Variants in TNS4 observed in about 807,000 individuals in gnomAD.
TNS4 encodes tensin-4.
Under a neutral mutation model 70.4 loss-of-function variants are expected in TNS4, and 46 were observed. The observed-to-expected ratio is 0.65, with a 90% CI of 0.52 to 0.84. The LOEUF is 0.84. Among genes scored for constraint, TNS4 ranks in the 40% least tolerant of loss-of-function variants. The pLI, the probability that TNS4 is intolerant of heterozygous loss-of-function variation, is 0.00. For synonymous variants in TNS4, 390 were observed against 366.6 expected (o/e 1.06, Z -0.73); for missense variants, 863 against 907.0 (o/e 0.95, Z 0.62).
chr17:40,479,541 G>T, intron 10 of TNS4, 133 bp downstream of exon 10: 2 of 1,113,430 alleles, frequency 1.8e-6, no homozygotes, highest in Non-Finnish European at 2.5e-6. Flanking sequence ...GAGTCACTCA[G>T]CACATCACTG....
rs1336001268 is a variant in TNS4, at chr17:40,484,949, C to T, written c.1347G>A (p.Trp449Ter). The change falls in exon 5 of 13, where the codon TGG becomes TGA. Residue 449 changes from tryptophan (W) to a stop codon, truncating the protein, a stop_gained. Transcript: ENST00000254051. LOFTEE classifies it high-confidence loss of function. ...MKFVMDTSKY[W>*]FKPNITREQA... ...GCTCTCGGGTGATGTTTGGCTTAAA[C>T]CAGTATTTAGATGTGTCCATCACGA... 1 of 1,614,208 alleles carries T rather than the reference C, an allele frequency of 6.2e-7. No individual in the cohort carries two copies. Among genetic ancestry groups the T allele is most frequent in the East Asian group, 2.2e-5 (1 of 44,882 alleles).
intron 3 of TNS4, 46 bp downstream of exon 3, chr17:40,488,500 G>C: frequency 6.9e-7 from 1 of 1,454,374 alleles, no homozygotes; most frequent in Non-Finnish European, 9.1e-7. Context: ...GCATGCGTGC[G>C]TGTGCCTGTG....
intron 2 of TNS4, among the ~76,000 whole-genome samples, chr17:40,494,927 G>A (rs1048868167): frequency 6.6e-6 from 1 of 151,942 alleles, no homozygotes; most frequent in African/African-American, 2.4e-5. Context: ...CTTCCAACCT[G>A]TCTGATGGCT....
chr17:40,494,530 G>A (rs1042308659), intron 2 of TNS4, among the ~76,000 whole-genome samples: 3 of 152,128 alleles, frequency 2.0e-5, no homozygotes, highest in South Asian at 2.1e-4. Flanking sequence ...TCAGGAGTTC[G>A]AGACCAGCCT....
chr17:40,479,127 TA>T (rs1162085555), intron 10 of TNS4, among the ~76,000 whole-genome samples: 1 of 152,080 alleles, frequency 6.6e-6, no homozygotes, highest in Non-Finnish European at 1.5e-5. Flanking sequence ...CCATGAATAC[TA>T]GTTAACTCCA....
chr17:40,478,910 T>G (rs996561283), intron 10 of TNS4, among the ~76,000 whole-genome samples: 1 of 152,224 alleles, frequency 6.6e-6, no homozygotes, highest in African/African-American at 2.4e-5. Flanking sequence ...TTAATTTTTT[T>G]TGGCCACTAA....
chr17:40,478,545 A>G (rs775954055), intron 11 of TNS4, 35 bp downstream of exon 11: 1 of 1,612,920 alleles, frequency 6.2e-7, no homozygotes, highest in Non-Finnish European at 8.5e-7. Flanking sequence ...GGGGCCCTGG[A>G]CAGCCTTCTT....
chr17:40,480,405 T>G (rs2035906378), intron 9 of TNS4, among the ~76,000 whole-genome samples: 1 of 152,002 alleles, frequency 6.6e-6, no homozygotes, highest in Non-Finnish European at 1.5e-5. Flanking sequence ...TTCTCAGACC[T>G]AGAGAGACCC....
Position 40,496,042 on chromosome 17 carries a change from A to G in TNS4, c.384T>C (p.Ala128=). The part of the protein sequence containing the change: ...LLPPGTGGSQ[A]ELAQSTMSMR... ...TTGACATGGTGCTCTGGGCCAGCTCAGCCTGGGAGCCCCCAGTCCCTGGGG... is the reference window on the plus strand; with the variant it reads ...TTGACATGGTGCTCTGGGCCAGCTCGGCCTGGGAGCCCCCAGTCCCTGGGG... The change falls in exon 2 of 13, where the codon GCT becomes GCC. Residue 128 remains alanine, a synonymous_variant. Coordinates refer to ENST00000254051, the MANE Select transcript of TNS4 (RefSeq NM_032865.6). 3.7e-6 allele frequency: 6 copies of G among 1,613,566 alleles called. No homozygotes were observed. Among genetic ancestry groups the G allele is most frequent in the Non-Finnish European group, 5.1e-6 (6 of 1,179,838 alleles).
At chr17:40,481,516 C>A (rs996129507) in intron 8 of TNS4, among the ~76,000 whole-genome samples, 2 of 152,198 alleles carry the variant, frequency 1.3e-5, no homozygotes, top group Non-Finnish European at 2.9e-5. Context: ...AGGCGCCCAC[C>A]ACCACGCCCA....
At chr17:40,497,793 T>G (rs1457321533) in intron 1 of TNS4, among the ~76,000 whole-genome samples, 2 of 152,254 alleles carry the variant, frequency 1.3e-5, no homozygotes, top group East Asian at 3.9e-4. Flanking sequence ...GGCTCAGGAC[T>G]GCCAGCTCAA....
chr17:40,494,294 T>G (rs1443741076), intron 2 of TNS4, among the ~76,000 whole-genome samples: 1 of 152,270 alleles, frequency 6.6e-6, no homozygotes, highest in East Asian at 1.9e-4. Flanking sequence ...AGAACTCTCA[T>G]TATCTCCATT....
intron 2 of TNS4, among the ~76,000 whole-genome samples, chr17:40,492,767 T>C (rs8076330): frequency 0.026 from 4,018 of 151,970 alleles, 189 homozygotes; most frequent in African/African-American, 0.093. Context: ...CAGGGCATGG[T>C]GGCTCATACC....
chr17:40,480,615 C>G, intron 9 of TNS4, 85 bp downstream of exon 9: 1 of 1,280,538 alleles, frequency 7.8e-7, no homozygotes, highest in Non-Finnish European at 1.0e-6. Flanking sequence ...TGCGTGTGTG[C>G]GTGCATGCGT....
Position 40,477,328 on chromosome 17 carries a change from A to G in TNS4, c.*260T>C, listed in dbSNP as rs112959200. ...CAGAATCATGGAGGAGCATGTTCAA[A>G]TGCCCACCAGCATCTAAGAACAGCT... On this transcript the variant is annotated 3_prime_UTR_variant, in exon 13 of 13. Coordinates refer to ENST00000254051, the MANE Select transcript of TNS4 (RefSeq NM_032865.6). 4.4e-6 allele frequency: 2 copies of G among 453,760 alleles called. No homozygotes were observed. The highest frequency in any genetic ancestry group is 7.4e-5 in the Admixed American group (2 of 27,112). 28.1% of individuals were successfully genotyped at this position (453,760 alleles called of 1,614,324 possible). A position where few individuals can be genotyped will look rare whatever the true frequency, so the allele number is the denominator to read the frequency against.
At chr17:40,495,116 C>A (rs1300138590) in intron 2 of TNS4, among the ~76,000 whole-genome samples, 1 of 151,994 alleles carries the variant, frequency 6.6e-6, no homozygotes, top group Non-Finnish European at 1.5e-5. Flanking sequence ...TAAACCCAGC[C>A]ATTATGAATA....
chr17:40,486,532 ATTTT>A (rs78348746), intron 4 of TNS4, among the ~76,000 whole-genome samples: 2 of 132,028 alleles, frequency 1.5e-5, no homozygotes, highest in Non-Finnish European at 3.3e-5. Context: ...GGCAAATTCC[ATTTT>A]TTTTTTTTTT....
At chr17:40,500,382 C>T (rs2036196230) in intron 1 of TNS4, among the ~76,000 whole-genome samples, 1 of 152,172 alleles carries the variant, frequency 6.6e-6, no homozygotes, top group Admixed American at 6.5e-5. Flanking sequence ...TGAATGCTGC[C>T]CCCTTCGCGG....
chr17:40,478,212 A>C (rs1323005356), intron 12 of TNS4, 95 bp downstream of exon 12: 1 of 1,532,718 alleles, frequency 6.5e-7, no homozygotes, highest in Non-Finnish European at 9.0e-7. Context: ...TGCCCTCATC[A>C]ACACTTTGGA....
Sources: allele counts gnomAD v4.1 joint callset (sites outside exome capture counted in the v4.1 genomes callset), GRCh38; gene constraint gnomAD v4.1.1; transcripts MANE v1.5; gene names NCBI Gene and HGNC (gene_info 2026-07-23, HGNC 2026-07-21).